The following NAALADL2 variants were observed in gnomAD, a reference collection of about 807,000 sequenced individuals.
NAALADL2 encodes the protein N-acetylated alpha-linked acidic dipeptidase like 2, also known as inactive N-acetylated-alpha-linked acidic dipeptidase-like protein 2.
Under a neutral mutation model 87.2 loss-of-function variants are expected in NAALADL2, and 76 were observed. The observed-to-expected ratio is 0.87, with a 90% CI of 0.72 to 1.05. The LOEUF is 1.05. Ranked by LOEUF, NAALADL2 falls within the 50% of genes least tolerant of loss-of-function variation. The probability of loss-of-function intolerance (pLI) is 0.00; values close to 1 mark genes in which losing one functional copy is unlikely to be tolerated. For synonymous variants in NAALADL2, 354 were observed against 331.0 expected (o/e 1.07, Z -0.75); for missense variants, 1,089 against 945.8 (o/e 1.15, Z -1.99).
At chr3:174,471,386 C>G (rs181470146) in intron 1 of NAALADL2, among the ~76,000 whole-genome samples, 1 of 152,130 alleles carries the variant, frequency 6.6e-6, no homozygotes, top group Admixed American at 6.5e-5. Flanking sequence ...ATGTTATAAA[C>G]AGTTTGAGTC....
At chr3:174,779,687 A>G (rs1418441960) in intron 3 of NAALADL2, among the ~76,000 whole-genome samples, 1 of 152,220 alleles carries the variant, frequency 6.6e-6, no homozygotes, top group Non-Finnish European at 1.5e-5. Flanking sequence ...AGTTTTCTGC[A>G]TATGGCTAGA....
At chr3:174,741,587 A>T (rs1733765354) in intron 3 of NAALADL2, among the ~76,000 whole-genome samples, 1 of 151,526 alleles carries the variant, frequency 6.6e-6, no homozygotes, top group Admixed American at 6.6e-5. Context: ...TTTTCTTTCT[A>T]AAGGTATAAA....
intron 1 of NAALADL2, among the ~76,000 whole-genome samples, chr3:174,451,800 C>G (rs553419808): frequency 7.1e-6 from 1 of 141,760 alleles, no homozygotes; most frequent in South Asian, 2.3e-4. Context: ...TAATCAAAAT[C>G]AATAAAACAT....
At chr3:174,583,913 A>G (rs1179937568) in intron 2 of NAALADL2, among the ~76,000 whole-genome samples, 3 of 152,168 alleles carry the variant, frequency 2.0e-5, no homozygotes, top group African/African-American at 7.2e-5. Context: ...TCTGAGTCCC[A>G]CCTTCAAAAT....
intron 1 of NAALADL2, among the ~76,000 whole-genome samples, chr3:174,983,805 G>A (rs920400644): frequency 3.9e-5 from 6 of 152,192 alleles, no homozygotes; most frequent in African/African-American, 1.4e-4. Flanking sequence ...TGACTTGCAT[G>A]TGAAAGTGGT....
At chr3:174,708,541 A>G (rs1730321662) in intron 2 of NAALADL2, among the ~76,000 whole-genome samples, 1 of 152,186 alleles carries the variant, frequency 6.6e-6, no homozygotes, top group Admixed American at 6.5e-5. Flanking sequence ...TATGTTTGTG[A>G]ACTCATAATT....
intron 1 of NAALADL2, among the ~76,000 whole-genome samples, chr3:174,966,255 T>A (rs1742847231): frequency 6.6e-6 from 1 of 151,708 alleles, no homozygotes; most frequent in Non-Finnish European, 1.5e-5. Flanking sequence ...GCACTTAGAT[T>A]TTCTCCCTCG....
chr3:175,041,890 T>A (rs1754114614), intron 1 of NAALADL2, among the ~76,000 whole-genome samples: 1 of 152,170 alleles, frequency 6.6e-6, no homozygotes, highest in Non-Finnish European at 1.5e-5. Context: ...TCAAGAAAAT[T>A]AATACATCTA....
chr3:175,792,949 T>A (rs1483197136), intron 13 of NAALADL2, among the ~76,000 whole-genome samples: 3 of 152,268 alleles, frequency 2.0e-5, no homozygotes, highest in Non-Finnish European at 4.4e-5. Context: ...TAGCTTTTGC[T>A]GGTTCTTTCA....
intron 9 of NAALADL2, among the ~76,000 whole-genome samples, chr3:175,487,862 C>G (rs181152034): frequency 6.6e-6 from 1 of 152,118 alleles, no homozygotes; most frequent in Non-Finnish European, 1.5e-5. Flanking sequence ...CTGCCATTCC[C>G]AGGTTTGCTA....
At chr3:174,445,732 G>A (rs1393644160) in intron 1 of NAALADL2, among the ~76,000 whole-genome samples, 1 of 151,996 alleles carries the variant, frequency 6.6e-6, no homozygotes, top group Non-Finnish European at 1.5e-5. Flanking sequence ...TGGTATATAG[G>A]AGTAAAATAT....
At chr3:174,710,749 C>G (rs1457522726) in intron 2 of NAALADL2, among the ~76,000 whole-genome samples, 1 of 152,128 alleles carries the variant, frequency 6.6e-6, no homozygotes, top group Non-Finnish European at 1.5e-5. Flanking sequence ...GACCTCTTTC[C>G]TACAACCACA....
At chr3:175,115,220 G>C (rs1724904160) in intron 2 of NAALADL2, 2 of 151,478 alleles carry the variant, frequency 1.3e-5, no homozygotes, top group Non-Finnish European at 3.0e-5. Flanking sequence ...TCTGAGAGTA[G>C]AGCTTGCCTT....
At chr3:175,013,899 G>T (rs907375463) in intron 1 of NAALADL2, among the ~76,000 whole-genome samples, 3 of 152,076 alleles carry the variant, frequency 2.0e-5, no homozygotes, top group Non-Finnish European at 4.4e-5. Context: ...TTTGTCAGAA[G>T]CTGAGGCATA....
chr3:174,832,764 C>A (rs1427340910), intron 3 of NAALADL2, among the ~76,000 whole-genome samples: 1 of 152,102 alleles, frequency 6.6e-6, no homozygotes, highest in East Asian at 1.9e-4. Flanking sequence ...CTGCACCTGG[C>A]CAATATTACC....
intron 2 of NAALADL2, among the ~76,000 whole-genome samples, chr3:175,195,248 G>T (rs572264221): frequency 1.3e-5 from 2 of 151,678 alleles, no homozygotes; most frequent in African/African-American, 4.8e-5. Context: ...GGTATTGCTC[G>T]GAGTGCTAGG....
At chr3:175,064,668 C>T (rs1714210640) in intron 1 of NAALADL2, among the ~76,000 whole-genome samples, 1 of 152,142 alleles carries the variant, frequency 6.6e-6, no homozygotes, top group Non-Finnish European at 1.5e-5. Context: ...AACTCTTGGC[C>T]CTCATTGGCC....
intron 1 of NAALADL2, among the ~76,000 whole-genome samples, chr3:174,465,148 T>C (rs1716458517): frequency 6.6e-6 from 1 of 152,104 alleles, no homozygotes; most frequent in Non-Finnish European, 1.5e-5. Context: ...TTTTGAATGA[T>C]CCTTAAAGAG....
At chr3:174,732,352 A>C (rs1317410691) in intron 2 of NAALADL2, among the ~76,000 whole-genome samples, 1 of 152,090 alleles carries the variant, frequency 6.6e-6, no homozygotes, top group African/African-American at 2.4e-5. Context: ...AAGAGAGCAG[A>C]ACAAATATCT....
Sources: gnomAD v4.1 joint callset for allele counts (sites outside exome capture counted in the v4.1 genomes callset) on GRCh38, gnomAD v4.1.1 for gene constraint, MANE v1.5 for transcripts, NCBI Gene and HGNC (gene_info 2026-07-23, HGNC 2026-07-21) for gene names.